Variants in PCDHGB3 observed in about 807,000 individuals in gnomAD.
PCDHGB3 encodes the protein protocadherin gamma-B3.
Under a neutral mutation model 59.2 loss-of-function variants are expected in PCDHGB3, and 40 were observed. The observed-to-expected ratio is 0.68, with a 90% CI of 0.52 to 0.88. The LOEUF is 0.88. PCDHGB3 is among the 40% of genes least tolerant of loss of function. The probability of loss-of-function intolerance (pLI) is 0.00; values close to 1 mark genes in which losing one functional copy is unlikely to be tolerated. For missense variants in PCDHGB3, 1,309 were observed against 1,187.9 expected (o/e 1.10, Z -1.50); for synonymous variants, 581 against 503.6 (o/e 1.15, Z -2.06).
intron 1 of PCDHGB3, chr5:141,389,201 C>T: frequency 1.2e-6 from 2 of 1,614,034 alleles, no homozygotes; most frequent in Non-Finnish European, 1.7e-6. Flanking sequence ...TCACCCTGCA[C>T]ATTGGTGATG....
chr5:141,383,810 T>C (rs879645741), intron 1 of PCDHGB3: 2 of 1,613,958 alleles, frequency 1.2e-6, no homozygotes, highest in Non-Finnish European at 8.5e-7. Context: ...ATATCAACTT[T>C]AGAAGGATTA....
Position 141,389,843 on chromosome 5 carries a change from G to C in PCDHGB3, c.2415+17034G>C, listed in dbSNP as rs372102656. On this transcript the variant is annotated intron_variant, in intron 1 of 3. Coordinates refer to ENST00000576222, the MANE Select transcript of PCDHGB3 (RefSeq NM_018924.5). The stretch of plus-strand genomic sequence containing the variant: ...GTGACGGTGGACAGCCACCACTCTC[G>C]GCCACTGCCACGTTGCACCTGGTCT... 2.4e-5 allele frequency: 39 copies of C among 1,614,016 alleles called. No homozygotes were observed. The African/African-American group carries it at 4.1e-4, about 17-fold the overall frequency.
rs773840884 is a variant in PCDHGB3 at position 141,372,185 on chromosome 5, C to G, written c.1791C>G (p.Asp597Glu). 1.9e-6 allele frequency: 3 copies of G among 1,613,630 alleles called. No homozygotes were observed. The South Asian group carries it at 3.3e-5, about 18-fold the overall frequency. Residue 597 changes from aspartate (D) to glutamate (E), a missense_variant, in exon 1 of 4, where the codon GAC becomes GAG. Physicochemically the swap from Asp to Glu is conservative, Grantham distance 45 (BLOSUM62 2). Coordinates refer to ENST00000576222, the MANE Select transcript of PCDHGB3 (RefSeq NM_018924.5). ...LVTKVVAVDA[D>E]SGYNAWLSYH... ...CCAAGGTGGTGGCGGTGGACGCAGA[C>G]TCGGGATACAACGCCTGGCTGTCCT...
chr5:141,401,295 TCA>T (rs2094138879), intron 1 of PCDHGB3, among the ~76,000 whole-genome samples: 2 of 151,856 alleles, frequency 1.3e-5, no homozygotes, highest in Non-Finnish European at 2.9e-5. Flanking sequence ...TGAGCCGAGA[TCA>T]CTCCATTGCA....
chr5:141,492,320 G>T (rs1001784912), intron 1 of PCDHGB3, among the ~76,000 whole-genome samples: 1 of 152,206 alleles, frequency 6.6e-6, no homozygotes, highest in Non-Finnish European at 1.5e-5. Context: ...CTCCTCGCAC[G>T]TGGGCTTACG....
chr5:141,412,108 G>A (rs897331971), intron 1 of PCDHGB3: 2 of 152,198 alleles, frequency 1.3e-5, no homozygotes, highest in Admixed American at 6.5e-5. Flanking sequence ...CACAGTTGAA[G>A]ATATGTGAAC....
intron 1 of PCDHGB3, chr5:141,389,414 G>A (rs2091750366): frequency 6.2e-7 from 1 of 1,613,464 alleles, no homozygotes; most frequent in Non-Finnish European, 8.5e-7. Context: ...CGGAGAGCGG[G>A]GTGGTGTTCG....
rs775270875 is a variant in PCDHGB3 at position 141,410,577 on chromosome 5, A to G, written c.2415+37768A>G. ...TCTCCTGGAGCCTTAATTCCACCTCATGGTGGGGAGGATTTGACTTCACAT... is the reference window on the plus strand; with the variant it reads ...TCTCCTGGAGCCTTAATTCCACCTCGTGGTGGGGAGGATTTGACTTCACAT... On this transcript the variant is annotated intron_variant, in intron 1 of 3. Coordinates refer to ENST00000576222, the MANE Select transcript of PCDHGB3 (RefSeq NM_018924.5). 4 of 1,610,116 alleles carry G rather than the reference A, an allele frequency of 2.5e-6. No homozygotes were observed. In the Admixed American group the frequency reaches 5.0e-5, roughly 20 times the overall value.
intron 1 of PCDHGB3, among the ~76,000 whole-genome samples, chr5:141,473,915 A>G (rs1366378437): frequency 3.3e-5 from 5 of 152,162 alleles, no homozygotes; most frequent in Non-Finnish European, 5.9e-5. Flanking sequence ...GTCTTAAGAA[A>G]ACTATGAGCT....
chr5:141,389,916 G>C lies in PCDHGB3; in HGVS notation c.2415+17107G>C, dbSNP rs747654268. 3.1e-6 allele frequency: 5 copies of C among 1,613,904 alleles called. No individual in the cohort carries two copies. In the African/African-American group the frequency reaches 6.7e-5, roughly 22 times the overall value. ...GCTGCCGGATATCACTGACCGCCCC[G>C]ACCCCTCTGACCTCCAGGCTGAGCT... On this transcript the variant is annotated intron_variant, in intron 1 of 3. Transcript: ENST00000576222.
At position 141,409,164 on chromosome 5, in the gene PCDHGB3, C is replaced by T. The variant is rs115772303; in HGVS notation, c.2415+36355C>T. ...GAAAGGTACACCATGGAAGTGGAAG[C>T]GAAGGACGGAGGTGGTCTCTCTACC... On this transcript the variant is annotated intron_variant, in intron 1 of 3. Transcript: ENST00000576222. 2.0e-3 allele frequency: 3,227 copies of T among 1,613,908 alleles called. 51 individuals are homozygous for T. In the African/African-American group the frequency reaches 0.029, roughly 14 times the overall value.
intron 3 of PCDHGB3, among the ~76,000 whole-genome samples, chr5:141,506,429 A>G (rs1406730781): frequency 7.0e-6 from 1 of 143,144 alleles, no homozygotes; most frequent in Non-Finnish European, 1.5e-5. Flanking sequence ...CCTGGGCAAC[A>G]GTCTCGCTCT....
chr5:141,395,442 AG>A lies in PCDHGB3; in HGVS notation c.2415+22634del, dbSNP rs1446210907. Reference sequence around the variant, plus strand: ...CATTTGCTTTTAAACGACTTGGAAAAGATTGTTCAACCATTTTAAGCCTTCC... The same window carrying A: ...CATTTGCTTTTAAACGACTTGGAAAAATTGTTCAACCATTTTAAGCCTTCC... On this transcript the variant is annotated intron_variant, in intron 1 of 3. Coordinates refer to ENST00000576222, the MANE Select transcript of PCDHGB3 (RefSeq NM_018924.5). 4 of 667,514 alleles carry A rather than the reference AG, an allele frequency of 6.0e-6. No homozygotes were observed. The East Asian group carries it at 1.2e-4, about 20-fold the overall frequency. 41.3% of individuals were successfully genotyped at this position (667,514 alleles called of 1,614,324 possible).
At chr5:141,438,621 TATATATATATATATACAC>T (rs1369797568) in intron 1 of PCDHGB3, among the ~76,000 whole-genome samples, 6 of 41,386 alleles carry the variant, frequency 1.4e-4, no homozygotes, top group South Asian at 9.0e-4. Context: ...TATATATATA[TATATATATATATATACAC>T]ACACACACAC....
chr5:141,402,937 C>A, intron 1 of PCDHGB3: 2 of 1,588,498 alleles, frequency 1.3e-6, no homozygotes, highest in Non-Finnish European at 1.7e-6. Flanking sequence ...TGAGAAAATT[C>A]CAAAGCGAGG....
intron 1 of PCDHGB3, among the ~76,000 whole-genome samples, chr5:141,444,359 C>T (rs942218966): frequency 7.9e-5 from 12 of 151,582 alleles, no homozygotes; most frequent in East Asian, 7.7e-4. Context: ...TTAGTAGAGA[C>T]GGGGTTTCTC....
intron 1 of PCDHGB3, among the ~76,000 whole-genome samples, chr5:141,448,016 G>A (rs903673535): frequency 6.6e-6 from 1 of 152,006 alleles, no homozygotes; most frequent in South Asian, 2.1e-4. Context: ...AACCCAGGAG[G>A]TGGAGGTTGC....
intron 1 of PCDHGB3, chr5:141,393,203 C>T (rs988866288): frequency 6.2e-7 from 1 of 1,613,514 alleles, no homozygotes; most frequent in Admixed American, 1.7e-5. Context: ...ACGATAATAA[C>T]CCAAAATTCC....
At chr5:141,473,189 A>G (rs1049891105) in intron 1 of PCDHGB3, among the ~76,000 whole-genome samples, 2 of 152,198 alleles carry the variant, frequency 1.3e-5, no homozygotes, top group Admixed American at 6.5e-5. Flanking sequence ...GAAGGAGTAA[A>G]TGTATCTTCT....
Sources: gnomAD v4.1 joint callset for allele counts (sites outside exome capture counted in the v4.1 genomes callset) on GRCh38, gnomAD v4.1.1 for gene constraint, MANE v1.5 for transcripts, NCBI Gene and HGNC (gene_info 2026-07-23, HGNC 2026-07-21) for gene names.